Variants in CYB5R1 observed in about 807,000 individuals in gnomAD.
The protein encoded by CYB5R1 is NADH-cytochrome b5 reductase 1.
In CYB5R1, 32 loss-of-function variants were observed where a neutral mutation model predicts 37.4. The ratio of observed to expected loss-of-function variants is 0.86; its 90% CI spans 0.65 to 1.15. The LOEUF (loss-of-function observed/expected upper bound fraction) is 1.15. Ranked by LOEUF, CYB5R1 falls within the 50% of genes most tolerant of loss-of-function variation. CYB5R1 has a pLI of 0.00. For missense variants in CYB5R1, 345 were observed against 382.5 expected, an observed-to-expected ratio of 0.90 and a Z score of 0.82; for synonymous variants, 159 against 155.2, an observed-to-expected ratio of 1.02 and a Z score of -0.18.
At chr1:202,963,263 A>G in intron 7 of CYB5R1, 98 bp from the exon 8 acceptor site, 1 of 824,704 alleles carries the variant, frequency 1.2e-6, no homozygotes, top group South Asian at 1.7e-5. Context: ...AAAGAATGTT[A>G]AGGGAAAGCA....
chr1:202,965,736 G>T, intron 4 of CYB5R1, 151 bp downstream of exon 4: 1 of 699,100 alleles, frequency 1.4e-6, no homozygotes, highest in Non-Finnish European at 2.4e-6. Context: ...GGGTTCAAGT[G>T]AGTCTCCTGC....
chr1:202,963,006 G>C, intron 8 of CYB5R1, 60 bp downstream of exon 8: 1 of 1,475,586 alleles, frequency 6.8e-7, no homozygotes, highest in East Asian at 2.3e-5. Context: ...TTCACAAAGG[G>C]GCAAGGCTTT....
At position 202,966,247 on chromosome 1, in the gene CYB5R1, C is replaced by T. The variant is rs1181397035; in HGVS notation, c.239-254G>A. 1.9e-5 allele frequency: 11 copies of T among 593,888 alleles called. No homozygotes were observed. In the Admixed American group the frequency reaches 3.3e-4, roughly 18 times the overall value. 36.8% of individuals were successfully genotyped at this position (593,888 alleles called of 1,614,324 possible). On this transcript the variant is annotated intron_variant, in intron 3 of 8. Transcript: ENST00000367249. ...GACAGATGAGCCAAAAGGGTCTGGG[C>T]AATGGGAAAAAGTTAGTAGTGCTTG...
At chr1:202,962,769 G>T in intron 8 of CYB5R1, 70 bp from the exon 9 acceptor site, 1 of 1,561,640 alleles carries the variant, frequency 6.4e-7, no homozygotes, top group Non-Finnish European at 8.7e-7. Context: ...GGTGCCATGA[G>T]ACTGGGGAGG....
chr1:202,964,622 G>C lies in CYB5R1; in HGVS notation c.549C>G (p.Ala183=). Residue 183 remains alanine (A), a synonymous_variant, in exon 6 of 9, where the codon GCC becomes GCG. Transcript: ENST00000367249. ...CTCAGTGTAATGCACCTGTCCCGCC[G>C]GCAATCATTCCCAGTTTCTTCGCCA... ...PRVAKKLGMI[A]GGTGITPMLQ... The C allele has an allele frequency of 1.2e-6, 2 of 1,612,696 alleles. No individual in the cohort carries two copies. Among genetic ancestry groups the C allele is most frequent in the Non-Finnish European group, 1.7e-6 (2 of 1,178,952 alleles).
intron 5 of CYB5R1, 109 bp downstream of exon 5, chr1:202,965,262 C>T (rs542240627): frequency 9.0e-5 from 117 of 1,297,524 alleles, no homozygotes; most frequent in Non-Finnish European, 1.2e-4. Flanking sequence ...GGAAGGGCGG[C>T]CCTGGCCCTT....
At position 202,963,333 on chromosome 1, in the gene CYB5R1, AG is replaced by A; in HGVS notation, c.646-169del. ...TTTAGGGAGTTAGGATGAGGAGAAG[AG>A]GGGAACAGCCTTTATCTACACATTA... On this transcript the variant is annotated intron_variant, in intron 7 of 8. Transcript: ENST00000367249. 8 of 608,746 alleles carry A rather than the reference AG, an allele frequency of 1.3e-5. No homozygotes were observed. In the South Asian group the frequency reaches 1.6e-4, roughly 12 times the overall value. The allele number at this position is 608,746 out of a possible 1,614,324, so 37.7% of individuals were successfully genotyped here. A position where few individuals can be genotyped will look rare whatever the true frequency, so the allele number is the denominator to read the frequency against.
In CYB5R1 at chr1:202,965,461, C is replaced by G. The variant is rs778626674; in HGVS notation, c.385G>C (p.Gly129Arg). The stretch of plus-strand genomic sequence containing the variant: ...CTATCCAGGTACTGAGACATCTTCC[C>G]TCCCTCAGGAAATTTGGGGTGCACA... The part of the protein sequence containing the change: ...KGVHPKFPEG[G>R]KMSQYLDSLK... Residue 129 changes from glycine (G) to arginine (R), a missense_variant, in exon 5 of 9, where the codon GGG becomes CGG. Transcript: ENST00000367249. The G allele has an allele frequency of 1.2e-6, 2 of 1,602,048 alleles. No homozygotes were observed. The highest frequency in any genetic ancestry group is 2.3e-5 in the East Asian group (1 of 43,530).
At position 202,965,980 on chromosome 1, in the gene CYB5R1, G is replaced by A. The variant is rs753922242; in HGVS notation, c.252C>T (p.Tyr84=). 36 of 1,613,010 alleles carry A rather than the reference G, an allele frequency of 2.2e-5. No individual in the cohort carries two copies. The highest frequency in any genetic ancestry group is 2.5e-5 in the Non-Finnish European group (30 of 1,179,122). ...TLGLPVGKHI[Y]LSTRIDGSLV... is the part of the protein sequence containing the mutation. ...GGCTGCCATCAATTCGGGTGGAGAG[G>A]TAGATATGTTTGCCTGGGGACCGTG... The change falls in exon 4 of 9, where the codon TAC becomes TAT. Residue 84 remains tyrosine, a synonymous_variant. Transcript: ENST00000367249.
At position 202,966,758 on chromosome 1, in the gene CYB5R1, T is replaced by C. The variant is rs747720729; in HGVS notation, c.156A>G (p.Leu52=). 3 of 1,613,934 alleles carry C rather than the reference T, an allele frequency of 1.9e-6. No homozygotes were observed. Among genetic ancestry groups the C allele is most frequent in the Non-Finnish European group, 8.5e-7 (1 of 1,179,952 alleles). The part of the protein sequence containing the change: ...DPNEKYLLRL[L]DKTTVSHNTK... ...TTCTTCCCCAACTTACCGTCTTGTC[T>C]AGCAGTCGTAGCAGGTACTTTTCAT... Residue 52 remains leucine (L), a synonymous_variant, in exon 2 of 9, where the codon CTA becomes CTG. Transcript: ENST00000367249.
chr1:202,962,752 G>A, intron 8 of CYB5R1, 53 bp from the exon 9 acceptor site: 4 of 1,596,008 alleles, frequency 2.5e-6, no homozygotes, highest in East Asian at 2.3e-5. Context: ...TGCTGGCAAG[G>A]GGGTGTGGTG....
Position 202,966,755 on chromosome 1 carries a change from G to T in CYB5R1, c.159C>A (p.Asp53Glu). 6.2e-7 allele frequency: 1 copy of T among 1,614,010 alleles called. No individual in the cohort carries two copies. Among genetic ancestry groups the T allele is most frequent in the Non-Finnish European group, 8.5e-7 (1 of 1,179,946 alleles). Residue 53 changes from aspartate to glutamate, a missense_variant, in exon 2 of 9, where the codon GAC becomes GAA. Transcript: ENST00000367249. ...PNEKYLLRLLDKTTVSHNTKR... is the reference protein window; with the variant it reads ...PNEKYLLRLLEKTTVSHNTKR... The stretch of plus-strand genomic sequence containing the variant: ...CCTTTCTTCCCCAACTTACCGTCTT[G>T]TCTAGCAGTCGTAGCAGGTACTTTT...
intron 4 of CYB5R1, 28 bp downstream of exon 4, chr1:202,965,859 G>A (rs376673033): frequency 6.8e-7 from 1 of 1,466,644 alleles, no homozygotes; most frequent in Non-Finnish European, 9.5e-7. Flanking sequence ...TGGGTAAGCA[G>A]CCCCTGGGTC....
Position 202,964,635 on chromosome 1 carries a change from A to T in CYB5R1, c.536T>A (p.Leu179Gln). Residue 179 changes from leucine to glutamine, a missense_variant, in exon 6 of 9, where the codon CTG becomes CAG. By Grantham distance (113) the Leu-to-Gln change is moderately radical (BLOSUM62 -2). Coordinates refer to ENST00000367249, the MANE Select transcript of CYB5R1 (RefSeq NM_016243.3). ...ACCTGTCCCGCCGGCAATCATTCCC[A>T]GTTTCTTCGCCACTCGGGGTTCTGG... The part of the protein sequence containing the change: ...SPPEPRVAKK[L>Q]GMIAGGTGIT... 1 of 1,613,640 alleles carries T rather than the reference A, an allele frequency of 6.2e-7. No individual in the cohort carries two copies. The highest frequency in any genetic ancestry group is 8.5e-7 in the Non-Finnish European group (1 of 1,179,630).
Position 202,967,041 on chromosome 1 carries a change from C to G in CYB5R1, c.16-143G>C. ...GGGTAACCTGGCGGAGTCCCGAGCC[C>G]GGATGTGCGGGATCGGGACCCCAGC... On this transcript the variant is annotated intron_variant, in intron 1 of 8. Coordinates refer to ENST00000367249, the MANE Select transcript of CYB5R1 (RefSeq NM_016243.3). 24 of 1,426,748 alleles carry G rather than the reference C, an allele frequency of 1.7e-5. No homozygotes were observed. In the South Asian group the frequency reaches 2.9e-4, roughly 17 times the overall value. The allele number at this position is 1,426,748 out of a possible 1,614,324, so 88.4% of individuals were successfully genotyped here.
At position 202,967,192 on chromosome 1, in the gene CYB5R1, G is replaced by A. The variant is rs1198052018; in HGVS notation, c.14C>T (p.Thr5Met). MGIQ[T>M]SPVLLASLGV... ...GAGGATACTGAATGAGGGTCTTACC[G>A]TCTGGATCCCCATGACGGAGCGCCT... Residue 5 changes from threonine (T) to methionine (M), a missense_variant and splice_region_variant, in exon 1 of 9, where the codon ACG becomes ATG. Coordinates refer to ENST00000367249, the MANE Select transcript of CYB5R1 (RefSeq NM_016243.3). The A allele has an allele frequency of 1.2e-6, 2 of 1,611,624 alleles. No homozygotes were observed. The highest frequency in any genetic ancestry group is 1.7e-5 in the Admixed American group (1 of 59,888).
intron 8 of CYB5R1, 66 bp downstream of exon 8, chr1:202,963,000 C>T: frequency 4.1e-6 from 6 of 1,460,092 alleles, no homozygotes; most frequent in Non-Finnish European, 5.8e-6. Flanking sequence ...CCAGAATTCA[C>T]AAAGGGGCAA....
chr1:202,964,174 C>T (rs1197611132), intron 6 of CYB5R1: 1 of 188,756 alleles, frequency 5.3e-6, no homozygotes, highest in Non-Finnish European at 1.1e-5. Context: ...TCTGGAACCC[C>T]ATTGTCTCTC....
chr1:202,964,472 C>T, intron 6 of CYB5R1, 140 bp downstream of exon 6: 2 of 734,412 alleles, frequency 2.7e-6, no homozygotes, highest in Non-Finnish European at 2.4e-6. Context: ...TTTTCAGATA[C>T]TAGGGAGTTC....
Sources: gnomAD v4.1 joint callset for allele counts on GRCh38, gnomAD v4.1.1 for gene constraint, MANE v1.5 for transcripts, NCBI Gene and HGNC (gene_info 2026-07-23, HGNC 2026-07-21) for gene names.